Variants in SEMA3A observed in about 807,000 individuals in gnomAD.
The protein encoded by SEMA3A is semaphorin 3A, also known as semaphorin-3A.
In SEMA3A, 29 loss-of-function variants were observed where a neutral mutation model predicts 97.9. The ratio of observed to expected loss-of-function variants is 0.30; its 90% CI spans 0.22 to 0.40. The LOEUF is 0.40. Among genes scored for constraint, SEMA3A ranks in the 10% least tolerant of loss-of-function variants. The probability of loss-of-function intolerance (pLI) is 1.00; values close to 1 mark genes in which losing one functional copy is unlikely to be tolerated. For synonymous variants in SEMA3A, 321 were observed against 323.7 expected (o/e 0.99, Z 0.09); for missense variants, 763 against 951.3 (o/e 0.80, Z 2.60).
intron 1 of SEMA3A, among the ~76,000 whole-genome samples, chr7:84,143,995 A>ACACACACACAC (rs1275001617): frequency 1.5e-5 from 2 of 130,992 alleles, no homozygotes; most frequent in African/African-American, 6.6e-5. Context: ...ACACACACAC[A>ACACACACACAC]ATTTATTGTG....
At chr7:84,378,104 T>C (rs369014529) in intron 1 of SEMA3A, among the ~76,000 whole-genome samples, 3 of 152,046 alleles carry the variant, frequency 2.0e-5, no homozygotes, top group African/African-American at 7.2e-5. Flanking sequence ...CACACAGTGG[T>C]GAGAACAGAT....
intron 3 of SEMA3A, among the ~76,000 whole-genome samples, chr7:84,245,289 T>C (rs902121453): frequency 2.0e-5 from 3 of 152,108 alleles, no homozygotes; most frequent in Non-Finnish European, 2.9e-5. Flanking sequence ...TGTTCGTTCC[T>C]TTTCATTCTT....
intron 2 of SEMA3A, among the ~76,000 whole-genome samples, chr7:84,331,856 T>A (rs574110511): frequency 2.0e-5 from 3 of 152,234 alleles, no homozygotes; most frequent in African/African-American, 7.2e-5. Context: ...GAAAGTCCAA[T>A]CTGCTGGAGT....
chr7:84,489,749 T>C (rs1272029709), intron 1 of SEMA3A, among the ~76,000 whole-genome samples: 1 of 50,306 alleles, frequency 2.0e-5, no homozygotes, highest in Admixed American at 2.5e-4. Context: ...ATTGAACTCC[T>C]TTTTTCTACA....
intron 5 of SEMA3A, among the ~76,000 whole-genome samples, chr7:84,055,814 T>G (rs1033224612): frequency 6.6e-6 from 1 of 152,220 alleles, no homozygotes; most frequent in Non-Finnish European, 1.5e-5. Flanking sequence ...TCTGAAGTAG[T>G]GTATTAGTTA....
chr7:84,463,234 ATTCTTTTTTTTT>A, intron 1 of SEMA3A, among the ~76,000 whole-genome samples: 1 of 62,070 alleles, frequency 1.6e-5, no homozygotes, highest in African/African-American at 7.6e-5. Flanking sequence ...TTTTGTAACT[ATTCTTTTTTTTT>A]TTTTTTTTTT....
chr7:84,342,965 G>A (rs1164087150), intron 2 of SEMA3A, among the ~76,000 whole-genome samples: 1 of 152,128 alleles, frequency 6.6e-6, no homozygotes, highest in Non-Finnish European at 1.5e-5. Context: ...CTAGTTATGA[G>A]TGAATAATAC....
chr7:83,994,923 C>G (rs966926322), intron 12 of SEMA3A, among the ~76,000 whole-genome samples: 5 of 152,060 alleles, frequency 3.3e-5, no homozygotes, highest in African/African-American at 7.2e-5. Context: ...GCCTAGCTGC[C>G]GCCTTGCAGT....
In SEMA3A at chr7:84,107,599, C is replaced by A. The variant is rs569675326; in HGVS notation, c.453+2871G>T. Among the ~76,000 whole-genome samples, 6 of 152,212 alleles carry A rather than the reference C, an allele frequency of 3.9e-5. No homozygotes were observed. The South Asian group carries it at 8.3e-4, about 21-fold the overall frequency. On this transcript the variant is annotated intron_variant, in intron 4 of 16. Transcript: ENST00000265362. ...AATCTCCCACCTCAGAATGCTCGGG[C>A]GGGAAGCTTTATATATTAGCTATTT...
chr7:84,113,163 T>C (rs1024596630), intron 3 of SEMA3A, among the ~76,000 whole-genome samples: 1 of 152,148 alleles, frequency 6.6e-6, no homozygotes, highest in Non-Finnish European at 1.5e-5. Flanking sequence ...GGAAATACTT[T>C]CAAATTTGGT....
intron 2 of SEMA3A, among the ~76,000 whole-genome samples, chr7:84,359,249 CATTCAGTATG>C (rs2116056252): frequency 6.6e-6 from 1 of 152,158 alleles, no homozygotes; most frequent in East Asian, 1.9e-4. Context: ...AGTTTTTGTC[CATTCAGTATG>C]ATATTGGCTG....
At chr7:84,318,125 G>A (rs1264190622) in intron 2 of SEMA3A, among the ~76,000 whole-genome samples, 1 of 151,696 alleles carries the variant, frequency 6.6e-6, no homozygotes, top group Non-Finnish European at 1.5e-5. Flanking sequence ...AGAAAAACAT[G>A]CACTTAAAAA....
At chr7:84,192,362 C>G (rs1299831911) in intron 1 of SEMA3A, among the ~76,000 whole-genome samples, 1 of 151,846 alleles carries the variant, frequency 6.6e-6, no homozygotes, top group African/African-American at 2.4e-5. Context: ...TTCCTCAGGC[C>G]ATTCCTTTTA....
rs77969674 is a variant in SEMA3A, at chr7:84,453,054, C to A, written c.-246+39406G>T. On this transcript the variant is annotated intron_variant, in intron 1 of 3. Transcript: ENST00000424555. Reference sequence around the variant, plus strand: ...ATAGCTTTAAAATTTTCTAGGTTAACCTAATCCAAAACCTTCCAGTGTTTT... The same window carrying A: ...ATAGCTTTAAAATTTTCTAGGTTAAACTAATCCAAAACCTTCCAGTGTTTT... 0.012 allele frequency among the ~76,000 whole-genome samples: 1,887 copies of A among 152,148 alleles called. 119 individuals carry two copies. The East Asian group carries it at 0.14, about 11-fold the overall frequency.
At chr7:84,323,665 C>T (rs1455836405) in intron 2 of SEMA3A, among the ~76,000 whole-genome samples, 1 of 152,018 alleles carries the variant, frequency 6.6e-6, no homozygotes, top group East Asian at 1.9e-4. Flanking sequence ...AACTATAGTT[C>T]TTTAAAAATG....
chr7:83,986,043 CATG>C, intron 12 of SEMA3A, among the ~76,000 whole-genome samples: 1 of 152,272 alleles, frequency 6.6e-6, no homozygotes, highest in Non-Finnish European at 1.5e-5. Flanking sequence ...TGTGTTTGGA[CATG>C]ATTACAAAAT....
At chr7:84,405,451 C>A (rs932542721) in intron 1 of SEMA3A, among the ~76,000 whole-genome samples, 1 of 152,166 alleles carries the variant, frequency 6.6e-6, no homozygotes, top group Admixed American at 6.5e-5. Context: ...TAATGGGAGA[C>A]TTTAACACCT....
chr7:84,276,400 C>T (rs772299285), intron 3 of SEMA3A, among the ~76,000 whole-genome samples: 2 of 152,062 alleles, frequency 1.3e-5, no homozygotes, highest in African/African-American at 4.8e-5. Context: ...AAAAACATTG[C>T]CTTATAATTG....
At chr7:84,165,487 G>A (rs1797174470) in intron 1 of SEMA3A, among the ~76,000 whole-genome samples, 1 of 148,518 alleles carries the variant, frequency 6.7e-6, no homozygotes, top group Non-Finnish European at 1.5e-5. Context: ...TTCTGTTCTA[G>A]TGAAAAAAAA....
Sources: allele counts gnomAD v4.1 joint callset (sites outside exome capture counted in the v4.1 genomes callset), GRCh38; gene constraint gnomAD v4.1.1; transcripts MANE v1.5; gene names NCBI Gene and HGNC (gene_info 2026-07-23, HGNC 2026-07-21).